MED27: variants seen among roughly 807,000 people sequenced by gnomAD.
MED27 encodes the protein mediator complex subunit 27, also known as mediator of RNA polymerase II transcription subunit 27.
A neutral mutation model predicts 38.2 loss-of-function variants in MED27; 30 were observed. The ratio of observed to expected loss-of-function variants is 0.79; its 90% CI spans 0.59 to 1.07. The LOEUF is 1.07. Among genes scored for constraint, MED27 ranks in the 50% least tolerant of loss-of-function variants. The pLI is 0.00. For synonymous variants in MED27, 122 were observed against 153.5 expected, an observed-to-expected ratio of 0.79 and a Z score of 1.52; for missense variants, 289 against 397.5, an observed-to-expected ratio of 0.73 and a Z score of 2.32.
In MED27 at chr9:132,039,615, A is replaced by C. The variant is rs188275716; in HGVS notation, c.349-25148T>G. ...CAGTCTGTCTGCCATCAAAGGCCACACTGGATCCAAGGTACACTTCAAGGA... is the reference window on the plus strand; with the variant it reads ...CAGTCTGTCTGCCATCAAAGGCCACCCTGGATCCAAGGTACACTTCAAGGA... On this transcript the variant is annotated intron_variant, in intron 2 of 7. Transcript: ENST00000292035. Among the ~76,000 whole-genome samples the C allele has an allele frequency of 1.2e-3, 179 of 152,310 alleles. 1 individual carries two copies. The highest frequency in any genetic ancestry group is 8.8e-5 in the Non-Finnish European group (6 of 68,030).
intron 2 of MED27, among the ~76,000 whole-genome samples, chr9:132,050,767 C>T (rs1289719442): frequency 6.6e-6 from 1 of 152,180 alleles, no homozygotes; most frequent in African/African-American, 2.4e-5. Context: ...GGACTCACCC[C>T]CGTCTTTCTG....
chr9:131,888,476 A>C (rs954194428), intron 5 of MED27, among the ~76,000 whole-genome samples: 1 of 152,138 alleles, frequency 6.6e-6, no homozygotes. Flanking sequence ...CTCTTCTGGG[A>C]GCATAGTTCT....
intron 5 of MED27, among the ~76,000 whole-genome samples, chr9:131,891,629 C>T (rs991295480): frequency 6.6e-6 from 1 of 152,152 alleles, no homozygotes; most frequent in Non-Finnish European, 1.5e-5. Flanking sequence ...TTCTGCCTAA[C>T]ATCTATTAAT....
chr9:131,989,299 G>A (rs897348198), intron 3 of MED27, among the ~76,000 whole-genome samples: 4 of 152,134 alleles, frequency 2.6e-5, no homozygotes, highest in African/African-American at 9.7e-5. Context: ...AAACAAGCTA[G>A]GAAACAGGTC....
At chr9:132,032,921 C>G (rs1589278054) in intron 2 of MED27, among the ~76,000 whole-genome samples, 1 of 152,224 alleles carries the variant, frequency 6.6e-6, no homozygotes, top group East Asian at 1.9e-4. Context: ...TTTCAAAAGG[C>G]TTCCTGCTTT....
chr9:131,961,061 G>A (rs1831204758), intron 3 of MED27, among the ~76,000 whole-genome samples: 1 of 152,210 alleles, frequency 6.6e-6, no homozygotes, highest in Non-Finnish European at 1.5e-5. Context: ...CCACAGCTCA[G>A]GGAAACTGGA....
Position 131,957,897 on chromosome 9 carries a change from T to A in MED27, c.480-18423A>T, listed in dbSNP as rs537655805. Among the ~76,000 whole-genome samples the A allele has an allele frequency of 6.4e-3, 825 of 129,204 alleles. 13 individuals carry two copies. Among genetic ancestry groups the A allele is most frequent in the African/African-American group, 0.02 (725 of 35,476 alleles). 84.8% of individuals were successfully genotyped at this position (129,204 alleles called of 152,430 possible). Reference sequence around the variant, plus strand: ...AATTCAAGACGACCCTGTCTCTATTTAAAAAAAAAAAAAAAGAAAGAAAAA... The same window carrying A: ...AATTCAAGACGACCCTGTCTCTATTAAAAAAAAAAAAAAAAGAAAGAAAAA... On this transcript the variant is annotated intron_variant, in intron 3 of 7. Coordinates refer to ENST00000292035, the MANE Select transcript of MED27 (RefSeq NM_004269.4).
At chr9:131,865,398 A>C (rs1267455577) in intron 6 of MED27, among the ~76,000 whole-genome samples, 4 of 152,160 alleles carry the variant, frequency 2.6e-5, no homozygotes, top group African/African-American at 4.8e-5. Context: ...ACGGTCCCCG[A>C]ACTTGAACGC....
chr9:131,893,640 G>A (rs1839264682), intron 5 of MED27, among the ~76,000 whole-genome samples: 1 of 152,150 alleles, frequency 6.6e-6, no homozygotes, highest in Admixed American at 6.5e-5. Flanking sequence ...GGGGTCTAAG[G>A]TGATAAATTA....
chr9:131,963,932 C>T (rs531595704), intron 3 of MED27, among the ~76,000 whole-genome samples: 2 of 152,222 alleles, frequency 1.3e-5, no homozygotes, highest in South Asian at 4.2e-4. Flanking sequence ...CTCCATACTT[C>T]TTGGTTCTTG....
intron 4 of MED27, among the ~76,000 whole-genome samples, chr9:131,902,720 C>T (rs1010602990): frequency 4.6e-5 from 7 of 152,154 alleles, no homozygotes; most frequent in Non-Finnish European, 8.8e-5. Context: ...GGGTGGCTCC[C>T]GTGTCCAGAC....
At chr9:131,972,754 A>G (rs1257169473) in intron 3 of MED27, among the ~76,000 whole-genome samples, 1 of 152,224 alleles carries the variant, frequency 6.6e-6, no homozygotes, top group Non-Finnish European at 1.5e-5. Flanking sequence ...ATCCCAACAC[A>G]GAGTAACCTA....
chr9:132,071,750 G>A (rs531780120), intron 2 of MED27, among the ~76,000 whole-genome samples: 5 of 151,124 alleles, frequency 3.3e-5, no homozygotes, highest in Admixed American at 2.0e-4. Flanking sequence ...GTCCATGAAC[G>A]AGCACACATG....
chr9:132,027,908 G>A (rs1832858908), intron 2 of MED27, among the ~76,000 whole-genome samples: 1 of 152,178 alleles, frequency 6.6e-6, no homozygotes, highest in African/African-American at 2.4e-5. Flanking sequence ...GGCCGTGGAG[G>A]GTGAGTGTAC....
At chr9:131,921,738 C>A (rs538930786) in intron 4 of MED27, among the ~76,000 whole-genome samples, 1 of 152,104 alleles carries the variant, frequency 6.6e-6, no homozygotes, top group Non-Finnish European at 1.5e-5. Flanking sequence ...ATGTTTACTG[C>A]GGCACTATTC....
chr9:131,925,561 T>C (rs1044333665), intron 4 of MED27, among the ~76,000 whole-genome samples: 8 of 152,296 alleles, frequency 5.3e-5, no homozygotes, highest in Admixed American at 1.3e-4. Flanking sequence ...AAGCTATAGC[T>C]AAACCAACAA....
intron 2 of MED27, among the ~76,000 whole-genome samples, chr9:132,016,979 T>C (rs185597709): frequency 6.6e-6 from 1 of 152,242 alleles, no homozygotes; most frequent in Non-Finnish European, 1.5e-5. Flanking sequence ...CACACATAGG[T>C]GGAAGGACTC....
chr9:131,895,469 A>C (rs572981064), intron 4 of MED27, among the ~76,000 whole-genome samples: 3 of 152,268 alleles, frequency 2.0e-5, no homozygotes, highest in African/African-American at 7.2e-5. Context: ...CATTCCTTGC[A>C]GTTTTCCAAC....
chr9:131,970,126 G>A (rs1019863823), intron 3 of MED27, among the ~76,000 whole-genome samples: 3 of 152,250 alleles, frequency 2.0e-5, no homozygotes, highest in Non-Finnish European at 4.4e-5. Context: ...AATTGGGCAA[G>A]GTCCTCTGAG....
Sources: gnomAD v4.1 joint callset for allele counts (sites outside exome capture counted in the v4.1 genomes callset) on GRCh38, gnomAD v4.1.1 for gene constraint, MANE v1.5 for transcripts, NCBI Gene and HGNC (gene_info 2026-07-23, HGNC 2026-07-21) for gene names.